Variants in ARAP2 observed in about 807,000 individuals in gnomAD.
ARAP2 encodes ArfGAP with RhoGAP domain, ankyrin repeat and PH domain 2.
ARAP2 carries 148 observed loss-of-function variants against 194.5 expected under a neutral mutation model. The observed-to-expected ratio is 0.76, with a 90% CI of 0.67 to 0.87. The LOEUF (loss-of-function observed/expected upper bound fraction) is 0.87. ARAP2 is among the 40% of genes least tolerant of loss of function. The pLI is 0.00. For synonymous variants in ARAP2, 695 were observed against 683.5 expected, an observed-to-expected ratio of 1.02 and a Z score of -0.26; for missense variants, 2,128 against 1,989.7, an observed-to-expected ratio of 1.07 and a Z score of -1.32.
chr4:36,169,426 C>T (rs531511866), intron 9 of ARAP2, among the ~76,000 whole-genome samples: 7 of 152,110 alleles, frequency 4.6e-5, no homozygotes, highest in Non-Finnish European at 1.0e-4. Flanking sequence ...TGCTCATCTC[C>T]ACAGAAAGTC....
intron 19 of ARAP2, among the ~76,000 whole-genome samples, chr4:36,135,609 CTTA>C (rs1726509363): frequency 6.6e-6 from 1 of 151,702 alleles, no homozygotes; most frequent in Non-Finnish European, 1.5e-5. Context: ...TTTCATTGAT[CTTA>C]TATCATCTTT....
At chr4:36,117,860 T>C (rs939835778) in intron 24 of ARAP2, among the ~76,000 whole-genome samples, 3 of 151,558 alleles carry the variant, frequency 2.0e-5, no homozygotes, top group Non-Finnish European at 4.4e-5. Context: ...TGATGTCATA[T>C]CACTATACAG....
chr4:36,154,972 T>C (rs1170747128), intron 15 of ARAP2, among the ~76,000 whole-genome samples: 1 of 152,256 alleles, frequency 6.6e-6, no homozygotes. Context: ...CAGAAGTTTT[T>C]CTGGATAGTT....
intron 5 of ARAP2, among the ~76,000 whole-genome samples, chr4:36,045,130 G>A (rs1380555595): frequency 3.3e-5 from 5 of 152,120 alleles, no homozygotes; most frequent in African/African-American, 1.2e-4. Context: ...AAAACAGTAT[G>A]GAGTTTCCTT....
chr4:36,188,561 T>C (rs919611225), intron 7 of ARAP2, among the ~76,000 whole-genome samples: 4 of 152,150 alleles, frequency 2.6e-5, no homozygotes, highest in Non-Finnish European at 5.9e-5. Flanking sequence ...AATGGAAGTG[T>C]AAGGCAGAGA....
intron 15 of ARAP2, among the ~76,000 whole-genome samples, chr4:36,153,976 T>C (rs1245016937): frequency 3.3e-5 from 5 of 152,138 alleles, no homozygotes; most frequent in Admixed American, 1.3e-4. Context: ...CACTAAGTAT[T>C]TAGCATCAGA....
At chr4:36,038,162 C>T (rs1720255086) in intron 5 of ARAP2, among the ~76,000 whole-genome samples, 1 of 152,124 alleles carries the variant, frequency 6.6e-6, no homozygotes, top group Non-Finnish European at 1.5e-5. Context: ...CCATCTTGGC[C>T]TACACAGCTT....
chr4:36,079,792 A>G (rs2109339972), intron 31 of ARAP2, among the ~76,000 whole-genome samples: 1 of 152,322 alleles, frequency 6.6e-6, no homozygotes. Context: ...TAGTTATTAA[A>G]GAAAAGTAGG....
chr4:36,074,559 T>G (rs2109321869), intron 31 of ARAP2, among the ~76,000 whole-genome samples: 1 of 152,222 alleles, frequency 6.6e-6, no homozygotes, highest in Non-Finnish European at 1.5e-5. Context: ...AAGAATTTTG[T>G]ACTCCCCAGG....
chr4:36,098,688 CTTGA>C (rs1185697974), intron 27 of ARAP2, among the ~76,000 whole-genome samples: 1 of 152,012 alleles, frequency 6.6e-6, no homozygotes, highest in Non-Finnish European at 1.5e-5. Flanking sequence ...AAGTTAATCA[CTTGA>C]TTGATCTTGA....
intron 2 of ARAP2, among the ~76,000 whole-genome samples, chr4:36,054,494 G>C (rs1298594434): frequency 6.6e-6 from 1 of 152,158 alleles, no homozygotes; most frequent in Non-Finnish European, 1.5e-5. Flanking sequence ...GGGGAAGTGA[G>C]ATGAGAAATT....
intron 2 of ARAP2, among the ~76,000 whole-genome samples, chr4:36,227,058 CT>C (rs2109332278): frequency 6.6e-6 from 1 of 152,254 alleles, no homozygotes; most frequent in East Asian, 1.9e-4. Context: ...TAATCCAATT[CT>C]TATATAGCCA....
intron 8 of ARAP2, among the ~76,000 whole-genome samples, chr4:36,014,227 A>AAGAG (rs1715124971): frequency 3.6e-5 from 1 of 27,576 alleles, no homozygotes; most frequent in Non-Finnish European, 1.0e-4. Context: ...ACCCTATCGA[A>AAGAG]AGAAAGAAAG....
At chr4:36,198,667 T>C (rs1743699783) in intron 6 of ARAP2, among the ~76,000 whole-genome samples, 1 of 152,198 alleles carries the variant, frequency 6.6e-6, no homozygotes. Flanking sequence ...CAGATCCAGA[T>C]GGGCTGTGAC....
At chr4:36,108,303 G>T (rs1052303873) in intron 26 of ARAP2, among the ~76,000 whole-genome samples, 1 of 151,878 alleles carries the variant, frequency 6.6e-6, no homozygotes, top group Non-Finnish European at 1.5e-5. Context: ...AATATTGTCC[G>T]TTACTAAATA....
At chr4:36,090,904 CA>C (rs1247124131) in intron 28 of ARAP2, among the ~76,000 whole-genome samples, 2 of 150,712 alleles carry the variant, frequency 1.3e-5, no homozygotes, top group South Asian at 2.1e-4. Context: ...ACTTAAAAAC[CA>C]AAAAAAAATT....
chr4:36,054,806 T>C (rs1297068201), intron 2 of ARAP2, among the ~76,000 whole-genome samples: 1 of 152,198 alleles, frequency 6.6e-6, no homozygotes, highest in Non-Finnish European at 1.5e-5. Context: ...TGACTACTCA[T>C]ATTACACAGT....
At chr4:36,221,000 A>G (rs779996084) in intron 2 of ARAP2, among the ~76,000 whole-genome samples, 8 of 152,014 alleles carry the variant, frequency 5.3e-5, no homozygotes, top group Non-Finnish European at 1.0e-4. Context: ...TCACTGACTC[A>G]CCCACGTTAA....
chr4:36,064,837 A>G (rs1474439738), downstream of ARAP2, among the ~76,000 whole-genome samples: 1 of 152,244 alleles, frequency 6.6e-6, no homozygotes, highest in Non-Finnish European at 1.5e-5. Flanking sequence ...GAGAGAAGCC[A>G]CCATAAAGGA....
Sources: gnomAD v4.1 joint callset for allele counts (sites outside exome capture counted in the v4.1 genomes callset) on GRCh38, gnomAD v4.1.1 for gene constraint, MANE v1.5 for transcripts, NCBI Gene and HGNC (gene_info 2026-07-23, HGNC 2026-07-21) for gene names.